Variants in KLHL3 observed in about 807,000 individuals in gnomAD.
The protein encoded by KLHL3 is kelch like family member 3.
A neutral mutation model predicts 70.5 loss-of-function variants in KLHL3; 19 were observed. That is an observed-to-expected ratio of 0.27 (90% CI 0.19 to 0.40). KLHL3 has a LOEUF of 0.40. KLHL3 is among the 10% of genes least tolerant of loss of function. The pLI is 1.00. For missense variants in KLHL3, 512 were observed against 771.1 expected (o/e 0.66, Z 3.98); for synonymous variants, 258 against 290.3 (o/e 0.89, Z 1.13).
intron 2 of KLHL3, among the ~76,000 whole-genome samples, chr5:137,711,344 T>C (rs1000890974): frequency 6.6e-6 from 1 of 152,226 alleles, no homozygotes; most frequent in Admixed American, 6.5e-5. Flanking sequence ...GGTGAAAAGA[T>C]GCCCAAAGCC....
At chr5:137,693,952 C>T (rs1752385127) in intron 4 of KLHL3, among the ~76,000 whole-genome samples, 1 of 151,874 alleles carries the variant, frequency 6.6e-6, no homozygotes, top group African/African-American at 2.4e-5. Context: ...CTTTTATGTA[C>T]TCAGGCCAAA....
chr5:137,649,441 C>G (rs1291181675), intron 8 of KLHL3, among the ~76,000 whole-genome samples: 6 of 152,232 alleles, frequency 3.9e-5, no homozygotes, highest in South Asian at 2.1e-4. Context: ...AGAAACAGGC[C>G]TGCCAGCAAC....
chr5:137,663,166 C>G (rs1224398263), intron 6 of KLHL3, among the ~76,000 whole-genome samples: 1 of 150,190 alleles, frequency 6.7e-6, no homozygotes, highest in Non-Finnish European at 1.5e-5. Flanking sequence ...AAGTGATTCT[C>G]CCGTCTCAGC....
At chr5:137,702,895 T>A (rs115244822) in intron 3 of KLHL3, among the ~76,000 whole-genome samples, 7 of 152,134 alleles carry the variant, frequency 4.6e-5, no homozygotes, top group African/African-American at 1.7e-4. Flanking sequence ...TCATTCTAGA[T>A]CCTAACAAGC....
chr5:137,699,590 G>A (rs1752524168), intron 3 of KLHL3, among the ~76,000 whole-genome samples: 1 of 152,180 alleles, frequency 6.6e-6, no homozygotes, highest in African/African-American at 2.4e-5. Flanking sequence ...GGCAATAGCA[G>A]CACCACATTT....
rs1391745911 is a variant in KLHL3 at position 137,637,285 on chromosome 5, C to A, written c.1321+9G>T. 1.9e-6 allele frequency: 3 copies of A among 1,613,442 alleles called. No homozygotes were observed. In the Admixed American group the frequency reaches 5.0e-5, roughly 27 times the overall value. ...TAGGCCTGGCCACTGGCCACTGCCG[C>A]CTCCTTACCCTCCACAACGCCCACA... On this transcript the variant is annotated intron_variant, in intron 11 of 14. Transcript: ENST00000309755.
Position 137,621,086 on chromosome 5 carries a change from A to G in KLHL3, c.*1012T>C, listed in dbSNP as rs888166755. On this transcript the variant is annotated 3_prime_UTR_variant, in exon 15 of 15. Transcript: ENST00000309755. ...CCAGACCAGAACACTTCTGAGTAAAATGGGGTGCTGTGAATAATTAAACTG... is the reference window on the plus strand; with the variant it reads ...CCAGACCAGAACACTTCTGAGTAAAGTGGGGTGCTGTGAATAATTAAACTG... 4 of 152,580 alleles carry G rather than the reference A, an allele frequency of 2.6e-5. No homozygotes were observed. Among genetic ancestry groups the G allele is most frequent in the African/African-American group, 9.7e-5 (4 of 41,438 alleles). The allele number at this position is 152,580 out of a possible 1,614,324, so 9.5% of individuals were successfully genotyped here. A position where few individuals can be genotyped will look rare whatever the true frequency, so the allele number is the denominator to read the frequency against.
chr5:137,729,306 A>G (rs903657348), intron 1 of KLHL3, among the ~76,000 whole-genome samples: 2 of 152,226 alleles, frequency 1.3e-5, no homozygotes, highest in Non-Finnish European at 2.9e-5. Context: ...AGAAAGTGTC[A>G]TTTAGAAAGG....
At chr5:137,733,158 C>A (rs1382844357) in intron 1 of KLHL3, among the ~76,000 whole-genome samples, 1 of 152,180 alleles carries the variant, frequency 6.6e-6, no homozygotes, top group East Asian at 1.9e-4. Flanking sequence ...GACATGTGAT[C>A]CTAGGCGAGT....
In KLHL3 at chr5:137,735,355, C is replaced by T. The variant is rs17171584; in HGVS notation, c.14+278G>A. ...ATTCAGCCTGTGCTGAAACTATTCC[C>T]GAACACCAGCCAGGAAGTCCCTTCT... is the stretch of plus-strand genomic sequence containing the variant. On this transcript the variant is annotated intron_variant, in intron 1 of 14. Coordinates refer to ENST00000309755, the MANE Select transcript of KLHL3 (RefSeq NM_017415.3). 0.081 allele frequency among the ~76,000 whole-genome samples: 12,291 copies of T among 152,322 alleles called. 682 individuals are homozygous for T. The highest frequency in any genetic ancestry group is 0.12 in the Non-Finnish European group (8,238 of 68,016).
intron 2 of KLHL3, 123 bp downstream of exon 2, chr5:137,720,342 T>A: frequency 3.4e-6 from 4 of 1,167,668 alleles, no homozygotes; most frequent in Non-Finnish European, 3.7e-6. Context: ...CTCAAGTGAC[T>A]AAGAATGGAT....
chr5:137,701,572 C>T (rs978515937), intron 3 of KLHL3, among the ~76,000 whole-genome samples: 1 of 152,224 alleles, frequency 6.6e-6, no homozygotes, highest in Admixed American at 6.5e-5. Flanking sequence ...GCGGCTTATC[C>T]TCAACACGTA....
At chr5:137,705,986 G>T in intron 3 of KLHL3, 1 of 984,762 alleles carries the variant, frequency 1.0e-6, no homozygotes, top group Non-Finnish European at 1.2e-6. Context: ...TAGGTTGACT[G>T]CTCACCCCAG....
At chr5:137,644,718 CT>C (rs1174558992) in intron 8 of KLHL3, among the ~76,000 whole-genome samples, 48 of 152,184 alleles carry the variant, frequency 3.2e-4, no homozygotes, top group African/African-American at 1.1e-3. Flanking sequence ...AGTTTCACTG[CT>C]GAATTCTAAC....
At chr5:137,735,291 GGAAACGCCTCCTT>G in intron 1 of KLHL3, among the ~76,000 whole-genome samples, 1 of 152,314 alleles carries the variant, frequency 6.6e-6, no homozygotes, top group African/African-American at 2.4e-5. Flanking sequence ...GCCAGGAAAG[GGAAACGCCTCCTT>G]GAAACAGCCT....
At chr5:137,733,263 C>T (rs1253963728) in intron 1 of KLHL3, among the ~76,000 whole-genome samples, 1 of 152,172 alleles carries the variant, frequency 6.6e-6, no homozygotes, top group Non-Finnish European at 1.5e-5. Flanking sequence ...TCCTTGAAGT[C>T]AGTTACCCGT....
intron 12 of KLHL3, among the ~76,000 whole-genome samples, chr5:137,630,412 G>A (rs933105536): frequency 6.6e-6 from 1 of 152,010 alleles, no homozygotes; most frequent in Non-Finnish European, 1.5e-5. Flanking sequence ...CTCCAAAGGC[G>A]GCTCCCTCCA....
At chr5:137,647,417 C>G (rs1020725435) in intron 8 of KLHL3, among the ~76,000 whole-genome samples, 10 of 151,698 alleles carry the variant, frequency 6.6e-5, no homozygotes, top group Middle Eastern at 6.8e-3. Context: ...ACGTGTAGAT[C>G]AAGACCCTAG....
At chr5:137,705,970 G>A (rs1257036643) in intron 3 of KLHL3, 1 of 978,388 alleles carries the variant, frequency 1.0e-6, no homozygotes, top group African/African-American at 1.8e-5. Context: ...AGCAGTAAAG[G>A]GCAAATAGGT....
Sources: gnomAD v4.1 joint callset for allele counts (sites outside exome capture counted in the v4.1 genomes callset) on GRCh38, gnomAD v4.1.1 for gene constraint, MANE v1.5 for transcripts, NCBI Gene and HGNC (gene_info 2026-07-23, HGNC 2026-07-21) for gene names.